Variants in MYRFL observed in about 807,000 individuals in gnomAD.
MYRFL encodes myelin regulatory factor like.
In MYRFL, 88 loss-of-function variants were observed where a neutral mutation model predicts 109.4. The ratio of observed to expected loss-of-function variants is 0.80; its 90% confidence interval spans 0.68 to 0.96. MYRFL has a LOEUF of 0.96. MYRFL is among the 40% of genes least tolerant of loss of function. The pLI, the probability that MYRFL is intolerant of heterozygous loss-of-function variation, is 0.00. For missense variants in MYRFL, 957 were observed against 954.9 expected, an observed-to-expected ratio of 1.00 and a Z score of -0.03; for synonymous variants, 324 against 320.9, an observed-to-expected ratio of 1.01 and a Z score of -0.10.
intron 8 of MYRFL, among the ~76,000 whole-genome samples, chr12:69,894,873 G>A (rs746649205): frequency 2.0e-5 from 3 of 152,238 alleles, no homozygotes; most frequent in Non-Finnish European, 2.9e-5. Context: ...CTAAATGTGC[G>A]TGGTGCATCT....
chr12:69,887,407 A>G (rs1010647270), intron 6 of MYRFL, among the ~76,000 whole-genome samples: 1 of 152,326 alleles, frequency 6.6e-6, no homozygotes, highest in East Asian at 1.9e-4. Context: ...TACCAAGTTC[A>G]CTGACAATAT....
At chr12:69,871,235 T>C (rs1005359361) in intron 2 of MYRFL, among the ~76,000 whole-genome samples, 10 of 132,444 alleles carry the variant, frequency 7.6e-5, no homozygotes, top group South Asian at 2.2e-4. Context: ...ATATTTCTTT[T>C]TTTTTTTTTT....
At chr12:69,923,109 A>G (rs938768576) in intron 13 of MYRFL, among the ~76,000 whole-genome samples, 1 of 152,218 alleles carries the variant, frequency 6.6e-6, no homozygotes, top group Non-Finnish European at 1.5e-5. Context: ...TTTAAAGCAC[A>G]TTTGATTCTT....
chr12:69,957,766 A>G (rs1956126933), intron 22 of MYRFL, 56 bp from the exon 23 acceptor site: 2 of 1,489,958 alleles, frequency 1.3e-6, no homozygotes, highest in East Asian at 2.5e-5. Flanking sequence ...GATGTATCCT[A>G]GTAGAAGCTG....
chr12:69,912,122 C>T lies in MYRFL; in HGVS notation c.1602+1192C>T, dbSNP rs112063777. Among the ~76,000 whole-genome samples the T allele has an allele frequency of 6.1e-3, 929 of 152,338 alleles. 6 individuals carry two copies. The highest frequency in any genetic ancestry group is 0.02 in the African/African-American group (848 of 41,570). ...GATGACATGGTCTGGGAGGCCTGCT[C>T]AGCCCAGGGCTGCAAGAGCACAGTG... On this transcript the variant is annotated intron_variant, in intron 13 of 24. Coordinates refer to ENST00000552032, the MANE Select transcript of MYRFL (RefSeq NM_182530.3).
intron 10 of MYRFL, among the ~76,000 whole-genome samples, chr12:69,902,323 A>C (rs1271551732): frequency 6.6e-6 from 1 of 152,244 alleles, no homozygotes; most frequent in African/African-American, 2.4e-5. Flanking sequence ...ACTAAGAAAT[A>C]AACTTTGTGG....
At position 69,936,573 on chromosome 12, in the gene MYRFL, C is replaced by T. The variant is rs61753523; in HGVS notation, c.2165C>T (p.Ser722Phe). 1.3e-6 allele frequency: 2 copies of T among 1,536,046 alleles called. No homozygotes were observed. The highest frequency in any genetic ancestry group is 2.7e-5 in the African/African-American group (2 of 73,048). ...CCPIRGMKEV[S>F]SSPVQRQSEE... is the part of the protein sequence containing the mutation. ...CCCATCCGGGGAATGAAAGAAGTCT[C>T]TTCAAGTCCTGTGCAAAGACAATCT... is the stretch of plus-strand genomic sequence containing the variant. The change falls in exon 19 of 25, where the codon TCT (serine) becomes TTT (phenylalanine). Residue 722 changes from serine to phenylalanine, a missense_variant. By Grantham distance (155) the Ser-to-Phe change is radical. Coordinates refer to ENST00000552032, the MANE Select transcript of MYRFL (RefSeq NM_182530.3).
intron 1 of MYRFL, among the ~76,000 whole-genome samples, chr12:69,832,716 C>T (rs1265671857): frequency 6.6e-6 from 1 of 151,942 alleles, no homozygotes; most frequent in Non-Finnish European, 1.5e-5. Context: ...GGTGGAAGCG[C>T]TTGAAGTGTG....
At chr12:69,868,389 G>A (rs1422983504) in intron 2 of MYRFL, among the ~76,000 whole-genome samples, 15 of 151,904 alleles carry the variant, frequency 9.9e-5, no homozygotes, top group African/African-American at 3.1e-4. Flanking sequence ...CTGGGATTAC[G>A]GGCATGAGCC....
At chr12:69,860,415 G>C (rs1256833429) in intron 2 of MYRFL, among the ~76,000 whole-genome samples, 1 of 151,998 alleles carries the variant, frequency 6.6e-6, no homozygotes, top group Admixed American at 6.6e-5. Context: ...CTTTTGATTA[G>C]TGTTTTTGTT....
intron 19 of MYRFL, among the ~76,000 whole-genome samples, chr12:69,948,965 C>G (rs966610592): frequency 2.0e-5 from 3 of 152,046 alleles, no homozygotes; most frequent in African/African-American, 7.3e-5. Context: ...TCTTCTTTTC[C>G]TTACTCTTTC....
At chr12:69,895,522 T>A in intron 9 of MYRFL, 41 bp downstream of exon 9, 2 of 1,501,370 alleles carry the variant, frequency 1.3e-6, no homozygotes, top group South Asian at 2.4e-5. Flanking sequence ...GGCTGGGTAC[T>A]TTATCTGGCC....
chr12:69,881,464 G>A (rs1886101794), intron 5 of MYRFL, among the ~76,000 whole-genome samples: 1 of 152,226 alleles, frequency 6.6e-6, no homozygotes, highest in East Asian at 1.9e-4. Context: ...GATGTGCGTG[G>A]CTTCACCTGA....
chr12:69,896,999 G>T (rs1211084285), intron 9 of MYRFL, among the ~76,000 whole-genome samples, 157 bp from the exon 10 acceptor site: 2 of 152,192 alleles, frequency 1.3e-5, no homozygotes, highest in Non-Finnish European at 2.9e-5. Context: ...TTGTTTCACT[G>T]GGGGGACAAC....
intron 5 of MYRFL, 111 bp from the exon 6 acceptor site, chr12:69,886,709 C>T: frequency 7.7e-7 from 1 of 1,301,638 alleles, no homozygotes; most frequent in East Asian, 2.5e-5. Flanking sequence ...CATGACACTT[C>T]CCTAGTCACT....
chr12:69,853,205 G>T (rs1884002387), intron 1 of MYRFL, among the ~76,000 whole-genome samples: 1 of 151,426 alleles, frequency 6.6e-6, no homozygotes, highest in South Asian at 2.1e-4. Flanking sequence ...GCAGCTGCCG[G>T]GCAGGGGCTG....
At chr12:69,880,885 G>C (rs1370455936) in intron 5 of MYRFL, among the ~76,000 whole-genome samples, 2 of 146,682 alleles carry the variant, frequency 1.4e-5, no homozygotes, top group Admixed American at 6.8e-5. Context: ...GTGGATGTTT[G>C]AAATTTGAAA....
chr12:69,895,485 C>G lies in MYRFL; in HGVS notation c.1091+4C>G. On this transcript the variant is annotated splice_donor_region_variant and intron_variant, in intron 9 of 24. Transcript: ENST00000552032. ...GAAAACCAAATCCAGACCAGAGGTA[C>G]TGATGTCACTGTGTGCATGGCAGTG... The G allele has an allele frequency of 6.5e-7, 1 of 1,534,080 alleles. No individual in the cohort carries two copies. The highest frequency in any genetic ancestry group is 2.4e-5 in the East Asian group (1 of 40,894).
At chr12:69,899,490 T>G (rs1040512597) in intron 10 of MYRFL, among the ~76,000 whole-genome samples, 1 of 152,206 alleles carries the variant, frequency 6.6e-6, no homozygotes, top group Non-Finnish European at 1.5e-5. Context: ...ATGGCCTGGT[T>G]CTGTTAGTTT....
Sources: allele counts gnomAD v4.1 joint callset (sites outside exome capture counted in the v4.1 genomes callset), GRCh38; gene constraint gnomAD v4.1.1; transcripts MANE v1.5; gene names NCBI Gene and HGNC (gene_info 2026-07-23, HGNC 2026-07-21).